Variants in CFAP54 observed in about 807,000 individuals in gnomAD.
The protein encoded by CFAP54 is cilia and flagella associated protein 54, also known as cilia- and flagella-associated protein 54.
In CFAP54, 290 loss-of-function variants were observed where a neutral mutation model predicts 370.4. The observed-to-expected ratio is 0.78, with a 90% CI of 0.71 to 0.86. CFAP54 has a LOEUF of 0.86. Among genes scored for constraint, CFAP54 ranks in the 40% least tolerant of loss-of-function variants. CFAP54 has a pLI of 0.00. For missense variants in CFAP54, 3,399 were observed against 3,528.7 expected (o/e 0.96, Z 0.93); for synonymous variants, 1,206 against 1,236.5 (o/e 0.98, Z 0.52).
Position 96,540,864 on chromosome 12 carries a change from G to A in CFAP54, c.1954G>A (p.Glu652Lys). 1.4e-6 allele frequency: 2 copies of A among 1,462,792 alleles called. No individual in the cohort carries two copies. The highest frequency in any genetic ancestry group is 1.4e-5 in the South Asian group (1 of 69,444). 90.6% of individuals were successfully genotyped at this position (1,462,792 alleles called of 1,614,324 possible). Residue 652 changes from glutamate (E) to lysine (K), a missense_variant, in exon 14 of 68, where the codon GAA becomes AAA. This residue lies in a region of CFAP54 where 2,796 missense variants were observed against 2,869.7 expected (regional missense o/e 0.97). Coordinates refer to ENST00000524981, the MANE Select transcript of CFAP54 (RefSeq NM_001306084.2). ...GATTTATCTTCTGTGGCAGATAAAT[G>A]AAGTAATTCACTGCTATAAAATGGA... ...KWIYLLWQINEVIHCYKMEDI... is the reference protein window; with the variant it reads ...KWIYLLWQINKVIHCYKMEDI...
At chr12:96,786,518 A>G (rs1004239122) in intron 61 of CFAP54, among the ~76,000 whole-genome samples, 157 bp from the exon 62 acceptor site, 19 of 152,140 alleles carry the variant, frequency 1.2e-4, no homozygotes, top group Non-Finnish European at 1.9e-4. Context: ...AAACAATTCC[A>G]TTAGTGTATA....
intron 19 of CFAP54, among the ~76,000 whole-genome samples, 184 bp from the exon 20 acceptor site, chr12:96,576,401 T>C (rs1955976302): frequency 6.6e-6 from 1 of 151,248 alleles, no homozygotes; most frequent in Non-Finnish European, 1.5e-5. Flanking sequence ...CCTTATCTAG[T>C]AGGCATCTTT....
At chr12:96,585,449 A>G (rs1354946474) in intron 22 of CFAP54, among the ~76,000 whole-genome samples, 1 of 152,100 alleles carries the variant, frequency 6.6e-6, no homozygotes, top group African/African-American at 2.4e-5. Flanking sequence ...ATCTCCTTCA[A>G]GTCTCTGCTT....
chr12:96,503,520 A>G lies in CFAP54; in HGVS notation c.424-366A>G, dbSNP rs76396222. Among the ~76,000 whole-genome samples the G allele has an allele frequency of 7.0e-3, 1,062 of 151,734 alleles. 31 individuals are homozygous for G. Among genetic ancestry groups the G allele is most frequent in the East Asian group, 0.055 (282 of 5,152 alleles). On this transcript the variant is annotated intron_variant, in intron 2 of 67. Transcript: ENST00000524981. Reference sequence around the variant, plus strand: ...GAGCCTATGAGGTATCAGAGAAGCAAGACTACTCATCCACCTCTCTAGGTA... The same window carrying G: ...GAGCCTATGAGGTATCAGAGAAGCAGGACTACTCATCCACCTCTCTAGGTA...
At chr12:96,821,296 C>T (rs948050257) in intron 65 of CFAP54, among the ~76,000 whole-genome samples, 4 of 151,868 alleles carry the variant, frequency 2.6e-5, no homozygotes, top group African/African-American at 9.7e-5. Flanking sequence ...TAAATGAGGT[C>T]GAGGGTATGG....
At chr12:96,868,804 A>G (rs760608508) in intron 67 of CFAP54, among the ~76,000 whole-genome samples, 5 of 152,154 alleles carry the variant, frequency 3.3e-5, no homozygotes, top group African/African-American at 1.2e-4. Flanking sequence ...CTGGGAGTCA[A>G]CCATAGATTG....
intron 26 of CFAP54, among the ~76,000 whole-genome samples, chr12:96,601,136 T>C (rs1592873963): frequency 6.6e-6 from 1 of 152,210 alleles, no homozygotes; most frequent in East Asian, 1.9e-4. Flanking sequence ...ATTTTATCAA[T>C]ATCTAGTTTA....
At chr12:96,622,885 G>T (rs1444926251) in intron 27 of CFAP54, among the ~76,000 whole-genome samples, 2 of 152,132 alleles carry the variant, frequency 1.3e-5, no homozygotes, top group Non-Finnish European at 2.9e-5. Flanking sequence ...TAGTTGGAAG[G>T]ATGTTTTGTC....
intron 5 of CFAP54, among the ~76,000 whole-genome samples, chr12:96,516,847 A>G (rs910036660): frequency 3.3e-5 from 5 of 152,058 alleles, no homozygotes; most frequent in African/African-American, 1.2e-4. Flanking sequence ...ATTGCTTGTC[A>G]TTTTCTTTAA....
intron 39 of CFAP54, among the ~76,000 whole-genome samples, chr12:96,674,313 A>G (rs1957179135): frequency 6.7e-6 from 1 of 149,470 alleles, no homozygotes; most frequent in African/African-American, 2.5e-5. Flanking sequence ...CTAGAGTGGT[A>G]CAATGAAAGA....
chr12:96,854,386 G>T (rs990842664), intron 66 of CFAP54, among the ~76,000 whole-genome samples: 3 of 152,116 alleles, frequency 2.0e-5, no homozygotes, highest in Non-Finnish European at 2.9e-5. Flanking sequence ...ATATTACCTT[G>T]AGTGTAGGGA....
intron 30 of CFAP54, among the ~76,000 whole-genome samples, chr12:96,629,406 C>G (rs1956580669): frequency 6.6e-6 from 1 of 151,920 alleles, no homozygotes; most frequent in African/African-American, 2.4e-5. Context: ...CGAGTTCACA[C>G]CATTTTCCTG....
At chr12:96,825,029 G>A (rs765864947) in intron 65 of CFAP54, among the ~76,000 whole-genome samples, 39 of 150,580 alleles carry the variant, frequency 2.6e-4, no homozygotes, top group Admixed American at 1.2e-3. Context: ...TTGCTTATGT[G>A]TGACTCCCCC....
At chr12:96,504,860 C>A (rs1955074248) in intron 3 of CFAP54, among the ~76,000 whole-genome samples, 1 of 152,180 alleles carries the variant, frequency 6.6e-6, no homozygotes, top group Non-Finnish European at 1.5e-5. Context: ...GTCTCTCCTA[C>A]TCCCCTTTTT....
chr12:96,752,127 A>AGAGAGG (rs749848338), intron 55 of CFAP54, among the ~76,000 whole-genome samples: 3 of 149,356 alleles, frequency 2.0e-5, no homozygotes, highest in East Asian at 1.9e-4. Context: ...AGAGAGAGAG[A>AGAGAGG]GAGAGATTGA....
chr12:96,786,810 C>G lies in CFAP54; in HGVS notation c.8591C>G (p.Ser2864Cys), dbSNP rs940246940. ...LKKFLQLYSS[S>C]CIDEFPKELL... The stretch of plus-strand genomic sequence containing the variant: ...AAATTCTTACAGCTGTATTCTTCTT[C>G]TTGTATTGATGAATTTCCAAAAGAA... Residue 2864 changes from serine (S) to cysteine (C), a missense_variant, in exon 62 of 68, where the codon TCT (serine) becomes TGT (cysteine). Coordinates refer to ENST00000524981, the MANE Select transcript of CFAP54 (RefSeq NM_001306084.2). 5.2e-6 allele frequency: 8 copies of G among 1,535,558 alleles called. No homozygotes were observed. Among genetic ancestry groups the G allele is most frequent in the Non-Finnish European group, 7.0e-6 (8 of 1,146,556 alleles).
At position 96,734,704 on chromosome 12, in the gene CFAP54, A is replaced by G. The variant is rs1801819633; in HGVS notation, c.6966-5252A>G. 2.0e-5 allele frequency among the ~76,000 whole-genome samples: 3 copies of G among 152,350 alleles called. No individual in the cohort carries two copies. In the South Asian group the frequency reaches 6.2e-4, roughly 32 times the overall value. Reference sequence around the variant, plus strand: ...AATTAGGTTATTTCACATGAACTAAAAAGTTTTTTTAAGTAGAAAAAAATA... The same window carrying G: ...AATTAGGTTATTTCACATGAACTAAGAAGTTTTTTTAAGTAGAAAAAAATA... On this transcript the variant is annotated intron_variant, in intron 50 of 67. Transcript: ENST00000524981.
At position 96,725,682 on chromosome 12, in the gene CFAP54, G is replaced by A. The variant is rs991711092; in HGVS notation, c.6965+5117G>A. ...TACCCTTTATTTCCTTCTCCTGCCTGATTGCCCTGGCCAGAACTTCCAACA... is the reference window on the plus strand; with the variant it reads ...TACCCTTTATTTCCTTCTCCTGCCTAATTGCCCTGGCCAGAACTTCCAACA... On this transcript the variant is annotated intron_variant, in intron 50 of 67. Transcript: ENST00000524981. Among the ~76,000 whole-genome samples the A allele has an allele frequency of 7.9e-5, 12 of 152,272 alleles. No homozygotes were observed. The East Asian group carries it at 1.5e-3, about 20-fold the overall frequency.
rs561788678 is a variant in CFAP54 at position 96,596,071 on chromosome 12, A to G, written c.3516+1625A>G. ...TCCTTTCACATAAAATTATGTCAGA[A>G]GTTATAAGAATATTCATTGTCTTGG... is the stretch of plus-strand genomic sequence containing the variant. On this transcript the variant is annotated intron_variant, in intron 25 of 67. Transcript: ENST00000524981. Among the ~76,000 whole-genome samples, 11 of 152,294 alleles carry G rather than the reference A, an allele frequency of 7.2e-5. No homozygotes were observed. In the South Asian group the frequency reaches 2.3e-3, roughly 32 times the overall value.
Sources: allele counts gnomAD v4.1 joint callset (sites outside exome capture counted in the v4.1 genomes callset), GRCh38; gene constraint gnomAD v4.1.1; regional missense constraint gnomAD v4.1.1; transcripts MANE v1.5; gene names NCBI Gene and HGNC (gene_info 2026-07-23, HGNC 2026-07-21).